The following NAV3 variants were observed in gnomAD, a reference collection of about 807,000 sequenced individuals.
The protein encoded by NAV3 is pore membrane and/or filament interacting like protein 1.
In NAV3, 87 loss-of-function variants were observed where a neutral mutation model predicts 244.7. The observed-to-expected ratio is 0.36, with a 90% CI of 0.30 to 0.42. NAV3 has a LOEUF of 0.42. Among genes scored for constraint, NAV3 ranks in the 20% least tolerant of loss-of-function variants. NAV3 has a pLI of 1.00. For synonymous variants in NAV3, 1,126 were observed against 1,042.2 expected, an observed-to-expected ratio of 1.08 and a Z score of -1.55; for missense variants, 2,663 against 2,893.3, an observed-to-expected ratio of 0.92 and a Z score of 1.83.
At chr12:78,042,150 C>T (rs1346788711) in intron 9 of NAV3, among the ~76,000 whole-genome samples, 1 of 152,184 alleles carries the variant, frequency 6.6e-6, no homozygotes, top group Non-Finnish European at 1.5e-5. Context: ...TGTGCTTCCA[C>T]TACTCTCTTT....
At chr12:77,842,140 T>C (rs948096491) in intron 1 of NAV3, among the ~76,000 whole-genome samples, 1 of 152,184 alleles carries the variant, frequency 6.6e-6, no homozygotes, top group Non-Finnish European at 1.5e-5. Context: ...GGGATATATC[T>C]TTTAAAGCAA....
At chr12:77,818,286 T>C (rs1172634391) in intron 2 of NAV3, among the ~76,000 whole-genome samples, 2 of 152,134 alleles carry the variant, frequency 1.3e-5, no homozygotes, top group African/African-American at 4.8e-5. Context: ...AATATACCAT[T>C]ATTATAGAAA....
intron 1 of NAV3, among the ~76,000 whole-genome samples, chr12:77,937,413 A>G (rs1264538510): frequency 6.6e-6 from 1 of 152,228 alleles, no homozygotes; most frequent in Non-Finnish European, 1.5e-5. Flanking sequence ...GAATTTGGAT[A>G]AAGGCTAAGG....
chr12:77,628,940 C>G (rs180814390), intron 2 of NAV3, among the ~76,000 whole-genome samples: 2 of 150,264 alleles, frequency 1.3e-5, no homozygotes, highest in Non-Finnish European at 2.9e-5. Flanking sequence ...AAAATGTATC[C>G]TCTGCATTTT....
intron 1 of NAV3, among the ~76,000 whole-genome samples, chr12:77,845,014 C>G (rs1338555689): frequency 6.6e-6 from 1 of 152,072 alleles, no homozygotes; most frequent in African/African-American, 2.4e-5. Flanking sequence ...TTTTTGGAAG[C>G]AAATGAGACC....
intron 1 of NAV3, among the ~76,000 whole-genome samples, chr12:77,917,096 A>G (rs577192040): frequency 6.6e-6 from 1 of 152,028 alleles, no homozygotes; most frequent in Non-Finnish European, 1.5e-5. Context: ...GACATATTAT[A>G]AAGTTTATGT....
chr12:78,063,749 T>C (rs536207903), intron 12 of NAV3, among the ~76,000 whole-genome samples: 3 of 151,968 alleles, frequency 2.0e-5, no homozygotes, highest in Non-Finnish European at 4.4e-5. Flanking sequence ...GCATACAACT[T>C]TTTGACATCC....
In NAV3 at chr12:78,007,342, GC is replaced by G; in HGVS notation, c.1805del (p.Ala602AspfsTer82). 6.2e-7 allele frequency: 1 copy of G among 1,614,126 alleles called. No individual in the cohort carries two copies. Among genetic ancestry groups the G allele is most frequent in the Non-Finnish European group, 8.5e-7 (1 of 1,180,022 alleles). On this transcript the variant is annotated frameshift_variant, in exon 8 of 40. Transcript: ENST00000397909. LOFTEE classifies it high-confidence loss of function. The stretch of plus-strand genomic sequence containing the variant: ...TTCTGGTTCCTGTACCATGACAGTG[GC>G]ACAAAGCAGTGGGCAGAGCACAGGA... ...SPSGSCTMTV[A>X]QSSGQSTGNG...
intron 2 of NAV3, among the ~76,000 whole-genome samples, chr12:77,614,295 G>T (rs547800326): frequency 1.3e-4 from 19 of 151,764 alleles, no homozygotes; most frequent in Non-Finnish European, 5.9e-5. Context: ...ATTGTCCTTG[G>T]TTGATAATCA....
chr12:77,757,482 A>C (rs1869244580), intron 2 of NAV3, among the ~76,000 whole-genome samples: 1 of 152,216 alleles, frequency 6.6e-6, no homozygotes, highest in South Asian at 2.1e-4. Context: ...TATTGAGTAT[A>C]TATTACAGGT....
chr12:77,873,768 G>T (rs2951488), intron 1 of NAV3, among the ~76,000 whole-genome samples: 2 of 74,290 alleles, frequency 2.7e-5, no homozygotes, highest in Non-Finnish European at 5.6e-5. Context: ...ATATATATAT[G>T]TATATAACAG....
chr12:77,756,398 T>A (rs557206341), intron 2 of NAV3, among the ~76,000 whole-genome samples: 1 of 152,202 alleles, frequency 6.6e-6, no homozygotes, highest in Non-Finnish European at 1.5e-5. Flanking sequence ...TTCAGTGAGA[T>A]GTATTTTTAT....
intron 12 of NAV3, among the ~76,000 whole-genome samples, chr12:78,067,695 T>C (rs952290285): frequency 1.3e-5 from 2 of 152,200 alleles, no homozygotes; most frequent in South Asian, 4.1e-4. Flanking sequence ...TAAACCTCAA[T>C]TGCCATTGAA....
chr12:77,655,473 C>T (rs1297743375), intron 2 of NAV3, among the ~76,000 whole-genome samples: 3 of 152,180 alleles, frequency 2.0e-5, no homozygotes, highest in Admixed American at 6.5e-5. Context: ...ACCAAATCTA[C>T]GTCTGATTGG....
chr12:77,864,483 C>T (rs1879714917), intron 1 of NAV3, among the ~76,000 whole-genome samples: 1 of 151,850 alleles, frequency 6.6e-6, no homozygotes, highest in Non-Finnish European at 1.5e-5. Context: ...CCAATGTCAC[C>T]CTACATAGTA....
At chr12:77,905,423 T>C (rs1336913671) in intron 1 of NAV3, among the ~76,000 whole-genome samples, 1 of 152,092 alleles carries the variant, frequency 6.6e-6, no homozygotes, top group South Asian at 2.1e-4. Flanking sequence ...ATTTTAAAAA[T>C]AGAGAGGATC....
chr12:77,657,991 A>G (rs1435513400), intron 2 of NAV3, among the ~76,000 whole-genome samples: 4 of 151,686 alleles, frequency 2.6e-5, no homozygotes, highest in African/African-American at 7.3e-5. Flanking sequence ...ACAAACCCAC[A>G]GCCAATATCA....
At chr12:77,960,135 G>C (rs1891752100) in intron 3 of NAV3, among the ~76,000 whole-genome samples, 1 of 151,936 alleles carries the variant, frequency 6.6e-6, no homozygotes, top group African/African-American at 2.4e-5. Context: ...CCCACCAGCA[G>C]ACATGAGTTC....
intron 1 of NAV3, among the ~76,000 whole-genome samples, chr12:77,855,937 G>A (rs952861421): frequency 1.3e-5 from 2 of 152,128 alleles, no homozygotes; most frequent in African/African-American, 4.8e-5. Context: ...TTAAATTTTT[G>A]GTGGTGTATT....
Sources: allele counts gnomAD v4.1 joint callset (sites outside exome capture counted in the v4.1 genomes callset), GRCh38; gene constraint gnomAD v4.1.1; transcripts MANE v1.5; gene names NCBI Gene and HGNC (gene_info 2026-07-23, HGNC 2026-07-21).